The following TTLL11 variants were observed in gnomAD, a reference collection of about 807,000 sequenced individuals.
TTLL11 encodes the protein tubulin polyglutamylase TTLL11.
A neutral mutation model predicts 51.7 loss-of-function variants in TTLL11; 42 were observed. That is an observed-to-expected ratio of 0.81 (90% CI 0.64 to 1.05). TTLL11 has a LOEUF of 1.05. Among genes scored for constraint, TTLL11 ranks in the 50% least tolerant of loss-of-function variants. The pLI is 0.00. For missense variants in TTLL11, 799 were observed against 940.4 expected, an observed-to-expected ratio of 0.85 and a Z score of 1.97; for synonymous variants, 381 against 383.5, an observed-to-expected ratio of 0.99 and a Z score of 0.08.
At chr9:121,873,466 C>G (rs1022879034) in intron 6 of TTLL11, among the ~76,000 whole-genome samples, 1 of 150,280 alleles carries the variant, frequency 6.7e-6, no homozygotes, top group African/African-American at 2.5e-5. Flanking sequence ...TGCGCCACCA[C>G]ACCCAGCTAA....
At chr9:121,886,787 T>C (rs1163880270) in intron 6 of TTLL11, among the ~76,000 whole-genome samples, 1 of 152,202 alleles carries the variant, frequency 6.6e-6, no homozygotes, top group Non-Finnish European at 1.5e-5. Context: ...AGGCCCTCAA[T>C]AGATGCTAGC....
chr9:122,006,858 C>T (rs1324029552), intron 3 of TTLL11, among the ~76,000 whole-genome samples: 4 of 151,526 alleles, frequency 2.6e-5, no homozygotes, highest in South Asian at 2.1e-4. Flanking sequence ...TGGTGGCACA[C>T]GCCTGTAATT....
At chr9:121,881,692 G>T (rs1465874178) in intron 6 of TTLL11, among the ~76,000 whole-genome samples, 2 of 152,204 alleles carry the variant, frequency 1.3e-5, no homozygotes, top group East Asian at 3.9e-4. Context: ...TATGGGATTT[G>T]CACTGATGCG....
At chr9:122,011,715 G>A (rs144881647) in intron 3 of TTLL11, among the ~76,000 whole-genome samples, 137 of 152,268 alleles carry the variant, frequency 9.0e-4, no homozygotes, top group Middle Eastern at 3.4e-3. Context: ...AACATCTGGG[G>A]TTGCATGGAG....
At position 121,935,541 on chromosome 9, in the gene TTLL11, T is replaced by G. The variant is rs141276327; in HGVS notation, c.1481+38468A>C. On this transcript the variant is annotated intron_variant, in intron 6 of 8. Coordinates refer to ENST00000321582, the MANE Select transcript of TTLL11 (RefSeq NM_001139442.2). ...CTCCTGTGGGGAAATGAAAAGCCAC[T>G]GAAGTGTTTTTAGCAGGAACTTAAT... Among the ~76,000 whole-genome samples the G allele has an allele frequency of 5.9e-5, 9 of 152,342 alleles. 1 individual carries two copies. Among genetic ancestry groups the G allele is most frequent in the African/African-American group, 2.2e-4 (9 of 41,576 alleles).
chr9:121,865,683 A>G, intron 7 of TTLL11, among the ~76,000 whole-genome samples: 1 of 152,198 alleles, frequency 6.6e-6, no homozygotes, highest in East Asian at 1.9e-4. Context: ...TCGGGGAAAA[A>G]GGTGGCTTCA....
chr9:121,826,883 G>A (rs1373206946), intron 8 of TTLL11, among the ~76,000 whole-genome samples: 1 of 152,016 alleles, frequency 6.6e-6, no homozygotes, highest in Admixed American at 6.5e-5. Context: ...CTGAGAGCAG[G>A]GACCTGTGGG....
At chr9:121,930,029 G>A (rs2131549636) in intron 6 of TTLL11, among the ~76,000 whole-genome samples, 1 of 152,344 alleles carries the variant, frequency 6.6e-6, no homozygotes, top group Middle Eastern at 3.4e-3. Context: ...CCTGTCATTT[G>A]AAAAGAATTC....
Position 121,853,361 on chromosome 9 carries a change from C to T in TTLL11, c.1840+6976G>A, listed in dbSNP as rs1262911539. On this transcript the variant is annotated intron_variant, in intron 8 of 8. Transcript: ENST00000321582. This position sits in a 1 kb window ranked among gnomAD's most constrained non-coding sequence, Gnocchi z 5.6. ...TGGTCAAGGGCAGCGCTGGGTGCTG[C>T]GGAGCAGGTGAGACGGTACTGGGCC... is the stretch of plus-strand genomic sequence containing the variant. Among the ~76,000 whole-genome samples the T allele has an allele frequency of 4.0e-5, 6 of 150,404 alleles. No homozygotes were observed. Among genetic ancestry groups the T allele is most frequent in the African/African-American group, 7.4e-5 (3 of 40,734 alleles).
At chr9:121,925,470 C>A (rs1840695970) in intron 6 of TTLL11, among the ~76,000 whole-genome samples, 1 of 130,684 alleles carries the variant, frequency 7.7e-6, no homozygotes. Flanking sequence ...GTTTTCTGGA[C>A]ACATCAGGCC....
rs1842854606 is a variant in TTLL11, at chr9:121,982,759, T to TGGGGAAGAGCATTCCAGGGAG, written c.1269+6415_1269+6435dup. On this transcript the variant is annotated intron_variant, in intron 4 of 8. Transcript: ENST00000321582. ...AAAGAATAAGTCATGTTTGAATAGC[T>TGGGGAAGAGCATTCCAGGGAG]GGGGAAGAGCATTCCAGGGAGAGGG... Among the ~76,000 whole-genome samples the TGGGGAAGAGCATTCCAGGGAG allele has an allele frequency of 1.1e-4, 16 of 148,432 alleles. 1 individual carries two copies. The South Asian group carries it at 3.4e-3, about 32-fold the overall frequency.
chr9:121,928,469 T>C (rs1428973097), intron 6 of TTLL11, among the ~76,000 whole-genome samples: 1 of 148,078 alleles, frequency 6.8e-6, no homozygotes, highest in African/African-American at 2.5e-5. Context: ...TGAGATAGAA[T>C]CTCACTCTTT....
rs772288280 is a variant in TTLL11 at position 121,830,888 on chromosome 9, G to C, written c.1841-8009C>G. ...GGGAGTCCTGAAGTGACATGTCACT[G>C]TGGAAGCTATGTTGAAACCCAGTGG... is the stretch of plus-strand genomic sequence containing the variant. On this transcript the variant is annotated intron_variant, in intron 8 of 8. Transcript: ENST00000321582. 4.6e-5 allele frequency among the ~76,000 whole-genome samples: 7 copies of C among 152,222 alleles called. 1 individual carries two copies. The highest frequency in any genetic ancestry group is 7.3e-5 in the Non-Finnish European group (5 of 68,042).
At chr9:121,899,366 T>TGTGTATATATAC (rs1491307393) in intron 6 of TTLL11, among the ~76,000 whole-genome samples, 1 of 66,216 alleles carries the variant, frequency 1.5e-5, no homozygotes, top group Non-Finnish European at 3.1e-5. Context: ...TGTGTGTGTG[T>TGTGTATATATAC]ATATATATAT....
intron 6 of TTLL11, among the ~76,000 whole-genome samples, chr9:121,876,244 T>C (rs959206301): frequency 8.5e-5 from 13 of 152,234 alleles, no homozygotes; most frequent in Middle Eastern, 3.2e-3. Flanking sequence ...TTTCTTCTTA[T>C]GTATAAGTGG....
chr9:121,867,983 CT>C (rs1838231288), intron 7 of TTLL11, among the ~76,000 whole-genome samples: 1 of 152,112 alleles, frequency 6.6e-6, no homozygotes, highest in East Asian at 1.9e-4. Flanking sequence ...TAGAACAGAT[CT>C]CACAGGACCA....
intron 1 of TTLL11, among the ~76,000 whole-genome samples, chr9:122,062,443 G>C (rs1225615938): frequency 6.9e-6 from 1 of 145,360 alleles, no homozygotes; most frequent in Non-Finnish European, 1.5e-5. Context: ...TAAGAACTGT[G>C]CAAGATCTTT....
chr9:121,856,437 T>G (rs1259937849), intron 8 of TTLL11, among the ~76,000 whole-genome samples: 3 of 152,186 alleles, frequency 2.0e-5, no homozygotes, highest in Non-Finnish European at 4.4e-5. Flanking sequence ...TTCCATCTGT[T>G]GAATGGGAAT....
intron 6 of TTLL11, among the ~76,000 whole-genome samples, chr9:121,893,231 AAG>A (rs898382627): frequency 6.6e-6 from 1 of 152,198 alleles, no homozygotes; most frequent in African/African-American, 2.4e-5. Context: ...AAAGCAGACA[AAG>A]AGGGAAAAAA....
Sources: gnomAD v4.1 joint callset for allele counts (sites outside exome capture counted in the v4.1 genomes callset) on GRCh38, gnomAD v4.1.1 for gene constraint, Gnocchi (gnomAD v3.1) non-coding constraint, MANE v1.5 for transcripts, NCBI Gene and HGNC (gene_info 2026-07-23, HGNC 2026-07-21) for gene names.